The following MAF variants were observed in gnomAD, a reference collection of about 807,000 sequenced individuals.
MAF encodes MAF bZIP transcription factor.
Under a neutral mutation model 22.0 loss-of-function variants are expected in MAF, and 10 were observed. The ratio of observed to expected loss-of-function variants is 0.45; its 90% CI spans 0.28 to 0.77. The LOEUF (loss-of-function observed/expected upper bound fraction) is 0.77. Among genes scored for constraint, MAF ranks in the 30% least tolerant of loss-of-function variants. The probability of loss-of-function intolerance (pLI) is 0.12; values close to 1 mark genes in which losing one functional copy is unlikely to be tolerated. For synonymous variants in MAF, 337 were observed against 255.8 expected, an observed-to-expected ratio of 1.32 and a Z score of -3.03; for missense variants, 544 against 548.4, an observed-to-expected ratio of 0.99 and a Z score of 0.08.
the MAF span, among the ~76,000 whole-genome samples, chr16:79,541,573 G>A: frequency 6.6e-6 from 1 of 151,810 alleles, no homozygotes; most frequent in Non-Finnish European, 1.5e-5. Flanking sequence ...ATATGGCCAA[G>A]TTCATACAGC....
chr16:79,294,920 G>C, the MAF span, among the ~76,000 whole-genome samples: 1 of 152,180 alleles, frequency 6.6e-6, no homozygotes, highest in Non-Finnish European at 1.5e-5. Flanking sequence ...AACAAAGAAG[G>C]AGGGTTTCTC....
chr16:79,494,748 G>C, the MAF span, among the ~76,000 whole-genome samples: 2 of 152,130 alleles, frequency 1.3e-5, no homozygotes, highest in African/African-American at 4.8e-5. Flanking sequence ...GAGTTATGCA[G>C]ATCCCGTAGA....
the MAF span, among the ~76,000 whole-genome samples, chr16:79,425,273 C>G: frequency 6.6e-6 from 1 of 152,034 alleles, no homozygotes; most frequent in Non-Finnish European, 1.5e-5. Context: ...GTGGCTACAT[C>G]TTTTTGTGTC....
the MAF span, among the ~76,000 whole-genome samples, chr16:79,318,424 C>A: frequency 2.0e-5 from 3 of 152,190 alleles, no homozygotes; most frequent in African/African-American, 7.2e-5. Context: ...TGTCCCCACC[C>A]TTCTGATTCT....
the MAF span, among the ~76,000 whole-genome samples, chr16:79,283,919 C>T: frequency 1.4e-5 from 2 of 147,802 alleles, no homozygotes; most frequent in African/African-American, 2.5e-5. Context: ...CTGCTTCACT[C>T]ACCTTCCATT....
chr16:79,226,536 A>C, the MAF span, among the ~76,000 whole-genome samples: 2 of 152,118 alleles, frequency 1.3e-5, no homozygotes, highest in African/African-American at 4.8e-5. Context: ...AAAAAAATTT[A>C]AAAACAAAAT....
At chr16:79,499,534 G>A in the MAF span, among the ~76,000 whole-genome samples, 2 of 152,126 alleles carry the variant, frequency 1.3e-5, no homozygotes, top group African/African-American at 4.8e-5. Flanking sequence ...ATTAAGAGGT[G>A]GAGATTTGAA....
chr16:79,255,982 CTTT>C, the MAF span, among the ~76,000 whole-genome samples: 1 of 99,724 alleles, frequency 1.0e-5, no homozygotes. Context: ...CTTTTCTTTT[CTTT>C]TTTTTTTTTT....
At chr16:79,395,097 G>A in the MAF span, among the ~76,000 whole-genome samples, 5 of 152,186 alleles carry the variant, frequency 3.3e-5, no homozygotes, top group African/African-American at 7.2e-5. Flanking sequence ...CGGAGAGAAC[G>A]CAAGAGCCAA....
At chr16:79,433,432 G>C in the MAF span, among the ~76,000 whole-genome samples, 1 of 151,682 alleles carries the variant, frequency 6.6e-6, no homozygotes, top group African/African-American at 2.4e-5. Flanking sequence ...AGGGTGCTCA[G>C]AATGACATTT....
the MAF span, among the ~76,000 whole-genome samples, chr16:79,512,293 T>C: frequency 6.6e-6 from 1 of 152,162 alleles, no homozygotes; most frequent in Non-Finnish European, 1.5e-5. Context: ...TTCTCAGTCG[T>C]TTCTCCACGA....
chr16:79,328,401 G>C, the MAF span, among the ~76,000 whole-genome samples: 17 of 152,272 alleles, frequency 1.1e-4, no homozygotes, highest in African/African-American at 4.1e-4. Flanking sequence ...GCTGGAGAGG[G>C]AAACAGGGGC....
At chr16:79,216,666 G>T in the MAF span, among the ~76,000 whole-genome samples, 1 of 152,108 alleles carries the variant, frequency 6.6e-6, no homozygotes, top group Non-Finnish European at 1.5e-5. Flanking sequence ...TACATTAGGT[G>T]TATTAAATGC....
chr16:79,422,875 C>T, the MAF span, among the ~76,000 whole-genome samples: 1 of 152,140 alleles, frequency 6.6e-6, no homozygotes, highest in Non-Finnish European at 1.5e-5. Flanking sequence ...GGTAAGGTCT[C>T]TGCTGTCATG....
At chr16:79,279,953 T>A in the MAF span, among the ~76,000 whole-genome samples, 1 of 152,178 alleles carries the variant, frequency 6.6e-6, no homozygotes, top group Non-Finnish European at 1.5e-5. Flanking sequence ...GGGACACAGT[T>A]TGTGGGCAAT....
At chr16:79,382,923 T>G in the MAF span, among the ~76,000 whole-genome samples, 2 of 152,212 alleles carry the variant, frequency 1.3e-5, no homozygotes, top group African/African-American at 2.4e-5. Flanking sequence ...AAATTTGGCC[T>G]TTCGAGCCCA....
At chr16:79,455,051 G>A in the MAF span, among the ~76,000 whole-genome samples, 4 of 150,616 alleles carry the variant, frequency 2.7e-5, no homozygotes, top group Admixed American at 1.3e-4. Context: ...AGCCGAGATC[G>A]CACCATTGCA....
chr16:79,427,861 G>T, the MAF span, among the ~76,000 whole-genome samples: 2 of 152,062 alleles, frequency 1.3e-5, no homozygotes, highest in Non-Finnish European at 2.9e-5. Context: ...ACAGCTCTGT[G>T]CCTCCAGGAC....
At chr16:79,387,963 T>A in the MAF span, among the ~76,000 whole-genome samples, 2 of 152,190 alleles carry the variant, frequency 1.3e-5, no homozygotes, top group African/African-American at 4.8e-5. Flanking sequence ...AAATAATAAA[T>A]CAGAATAAGT....
Sources: allele counts gnomAD v4.1 joint callset (sites outside exome capture counted in the v4.1 genomes callset), GRCh38; gene constraint gnomAD v4.1.1; transcripts MANE v1.5; gene names NCBI Gene and HGNC (gene_info 2026-07-23, HGNC 2026-07-21).